CSMD1: variants seen among roughly 807,000 people sequenced by gnomAD.
CSMD1 encodes CUB and Sushi multiple domains 1, also known as CUB and sushi domain-containing protein 1.
In CSMD1, 213 loss-of-function variants were observed where a neutral mutation model predicts 417.5. That is an observed-to-expected ratio of 0.51 (90% CI 0.46 to 0.57). The LOEUF is 0.57. CSMD1 is among the 20% of genes least tolerant of loss of function. CSMD1 has a pLI of 0.00. For missense variants in CSMD1, 6,923 were observed against 4,529.7 expected, an observed-to-expected ratio of 1.53 and a Z score of -15.17; for synonymous variants, 2,862 against 1,736.8, an observed-to-expected ratio of 1.65 and a Z score of -16.11.
rs546019194 is a variant in CSMD1 at position 3,885,257 on chromosome 8, C to A, written c.818+112646G>T. ...AGTGTTCACAGAAAATCCTGAAAAG[C>A]CTCTAGCATCAGACAGGTGTGAGTT... On this transcript the variant is annotated intron_variant, in intron 5 of 69. Transcript: ENST00000635120. 1.5e-4 allele frequency among the ~76,000 whole-genome samples: 23 copies of A among 152,176 alleles called. No individual in the cohort carries two copies. The South Asian group carries it at 4.8e-3, about 32-fold the overall frequency.
intron 1 of CSMD1, among the ~76,000 whole-genome samples, chr8:4,739,489 G>A (rs1295386962): frequency 1.3e-5 from 2 of 152,178 alleles, no homozygotes; most frequent in African/African-American, 4.8e-5. Flanking sequence ...AATGATAGAT[G>A]AAGTAACAAA....
intron 10 of CSMD1, among the ~76,000 whole-genome samples, chr8:3,508,944 G>A (rs746582983): frequency 6.6e-6 from 1 of 152,166 alleles, no homozygotes; most frequent in Non-Finnish European, 1.5e-5. Flanking sequence ...AGAACTTAAA[G>A]TCCTCATGCT....
chr8:3,249,374 C>A lies in CSMD1; in HGVS notation c.4154-19143G>T, dbSNP rs558239572. Among the ~76,000 whole-genome samples, 6 of 152,190 alleles carry A rather than the reference C, an allele frequency of 3.9e-5. No homozygotes were observed. The East Asian group carries it at 7.8e-4, about 20-fold the overall frequency. On this transcript the variant is annotated intron_variant, in intron 26 of 69. Transcript: ENST00000635120. The stretch of plus-strand genomic sequence containing the variant: ...AGGAGCTGCGACTACAGGCGCCCAC[C>A]ACCACGCTCGGCTATTTTTTTGTAT...
chr8:3,478,552 G>C (rs147923650), intron 11 of CSMD1, among the ~76,000 whole-genome samples: 71 of 152,266 alleles, frequency 4.7e-4, no homozygotes, highest in Admixed American at 1.2e-3. Context: ...CCGAAGACCA[G>C]AGAAACAGCA....
chr8:3,200,091 T>C (rs1040117373), intron 32 of CSMD1, among the ~76,000 whole-genome samples: 23 of 152,028 alleles, frequency 1.5e-4, no homozygotes, highest in Non-Finnish European at 2.8e-4. Flanking sequence ...TATAATAGAG[T>C]AGACAGAAGT....
At chr8:4,592,547 C>T (rs1402898840) in intron 2 of CSMD1, among the ~76,000 whole-genome samples, 1 of 151,884 alleles carries the variant, frequency 6.6e-6, no homozygotes, top group African/African-American at 2.4e-5. Flanking sequence ...CCACCACGCC[C>T]AGCTAATTTT....
At position 4,382,984 on chromosome 8, in the gene CSMD1, G is replaced by A. The variant is rs1014549023; in HGVS notation, c.415+36969C>T. Among the ~76,000 whole-genome samples, 7 of 152,294 alleles carry A rather than the reference G, an allele frequency of 4.6e-5. No individual in the cohort carries two copies. In the East Asian group the frequency reaches 5.8e-4, roughly 13 times the overall value. On this transcript the variant is annotated intron_variant, in intron 3 of 69. Transcript: ENST00000635120. ...GGGGATGACAAAGAACTGAGAGGTC[G>A]CACCATCGTCTGTATATCAGCGCCT...
intron 25 of CSMD1, among the ~76,000 whole-genome samples, chr8:3,307,275 G>C (rs1392835460): frequency 6.6e-6 from 1 of 151,934 alleles, no homozygotes; most frequent in Non-Finnish European, 1.5e-5. Context: ...TGCAGGAACA[G>C]AAGCCTGGTG....
chr8:3,675,470 T>C (rs1799324607), intron 7 of CSMD1, among the ~76,000 whole-genome samples: 1 of 152,178 alleles, frequency 6.6e-6, no homozygotes, highest in South Asian at 2.1e-4. Context: ...GTGATTGCAA[T>C]GGACTGAATA....
At chr8:4,418,982 T>C (rs987789217) in intron 3 of CSMD1, among the ~76,000 whole-genome samples, 1 of 152,188 alleles carries the variant, frequency 6.6e-6, no homozygotes, top group Non-Finnish European at 1.5e-5. Flanking sequence ...CCTTCTACAC[T>C]GTAATTTTCT....
intron 48 of CSMD1, among the ~76,000 whole-genome samples, chr8:3,089,701 A>G (rs541121314): frequency 6.6e-6 from 1 of 152,290 alleles, no homozygotes; most frequent in Non-Finnish European, 1.5e-5. Flanking sequence ...TGAGATAGAT[A>G]AAGAATTTTT....
At chr8:4,333,823 A>G (rs1002600071) in intron 3 of CSMD1, among the ~76,000 whole-genome samples, 1 of 152,098 alleles carries the variant, frequency 6.6e-6, no homozygotes, top group African/African-American at 2.4e-5. Context: ...AATATTCTCT[A>G]TGCTTCTCAT....
intron 1 of CSMD1, among the ~76,000 whole-genome samples, chr8:4,830,657 G>A (rs1400969909): frequency 6.6e-6 from 1 of 152,196 alleles, no homozygotes; most frequent in African/African-American, 2.4e-5. Context: ...AGAGGTCACA[G>A]AAAAATCCAC....
chr8:4,297,317 A>G (rs543834509), intron 3 of CSMD1, among the ~76,000 whole-genome samples: 1 of 152,070 alleles, frequency 6.6e-6, no homozygotes, highest in African/African-American at 2.4e-5. Context: ...CTGAGAGAAA[A>G]CCTGTTTAAT....
chr8:4,973,508 G>C (rs1443118766), intron 1 of CSMD1, among the ~76,000 whole-genome samples: 2 of 152,036 alleles, frequency 1.3e-5, no homozygotes, highest in Admixed American at 1.3e-4. Flanking sequence ...TAGAAACTTT[G>C]TTGAATTCTA....
intron 5 of CSMD1, among the ~76,000 whole-genome samples, chr8:3,837,641 G>A (rs567767587): frequency 6.6e-6 from 1 of 152,146 alleles, no homozygotes; most frequent in Admixed American, 6.6e-5. Flanking sequence ...TCTGCGGATT[G>A]TAAGAAAATC....
chr8:3,663,774 G>A (rs1430327974), intron 7 of CSMD1, among the ~76,000 whole-genome samples: 1 of 152,122 alleles, frequency 6.6e-6, no homozygotes, highest in East Asian at 1.9e-4. Context: ...CCTCACATAT[G>A]CTGATTGATG....
chr8:3,663,226 A>C (rs1798508841), intron 7 of CSMD1, among the ~76,000 whole-genome samples: 1 of 152,156 alleles, frequency 6.6e-6, no homozygotes, highest in Non-Finnish European at 1.5e-5. Context: ...TTTTAAACAA[A>C]GAGTTGAAGA....
chr8:4,235,972 T>A (rs1427679667), intron 3 of CSMD1, among the ~76,000 whole-genome samples: 1 of 150,696 alleles, frequency 6.6e-6, no homozygotes, highest in Non-Finnish European at 1.5e-5. Flanking sequence ...AATGCTAAGC[T>A]ACCTAGCAAG....
Sources: gnomAD v4.1 joint callset for allele counts (sites outside exome capture counted in the v4.1 genomes callset) on GRCh38, gnomAD v4.1.1 for gene constraint, MANE v1.5 for transcripts, NCBI Gene and HGNC (gene_info 2026-07-23, HGNC 2026-07-21) for gene names.